Variants in CCSER2 observed in about 807,000 individuals in gnomAD.
CCSER2 encodes serine-rich coiled-coil domain-containing protein 2.
Under a neutral mutation model 92.3 loss-of-function variants are expected in CCSER2, and 46 were observed. That is an observed-to-expected ratio of 0.50 (90% confidence interval 0.39 to 0.64). The LOEUF (loss-of-function observed/expected upper bound fraction) is 0.64. Ranked by LOEUF, CCSER2 falls within the 30% of genes least tolerant of loss-of-function variation. CCSER2 has a pLI of 0.00. For synonymous variants in CCSER2, 433 were observed against 431.4 expected (o/e 1.00, Z -0.04); for missense variants, 1,244 against 1,238.9 (o/e 1.00, Z -0.06).
chr10:84,353,650 C>T (rs2133080282), intron 1 of CCSER2, among the ~76,000 whole-genome samples: 1 of 152,248 alleles, frequency 6.6e-6, no homozygotes, highest in South Asian at 2.1e-4. Context: ...ATTAGCATGG[C>T]TACCACAGGC....
intron 3 of CCSER2, among the ~76,000 whole-genome samples, chr10:84,400,427 T>C (rs1376089623): frequency 1.3e-5 from 2 of 152,292 alleles, no homozygotes; most frequent in African/African-American, 4.8e-5. Flanking sequence ...TGCCTTGGCC[T>C]CCCGAAGTGC....
chr10:84,498,792 CAT>C (rs1463313132), intron 9 of CCSER2, among the ~76,000 whole-genome samples: 8 of 152,068 alleles, frequency 5.3e-5, no homozygotes, highest in Non-Finnish European at 1.2e-4. Flanking sequence ...TTTTTTTGTG[CAT>C]ATGTTTCAGT....
intron 1 of CCSER2, among the ~76,000 whole-genome samples, chr10:84,348,271 C>T (rs1161082201): frequency 1.3e-5 from 2 of 152,222 alleles, no homozygotes; most frequent in East Asian, 1.9e-4. Context: ...GCCAACACAG[C>T]GAAACCCCGT....
intron 4 of CCSER2, among the ~76,000 whole-genome samples, chr10:84,419,022 T>G (rs1481083837): frequency 3.3e-5 from 5 of 152,172 alleles, no homozygotes; most frequent in African/African-American, 1.2e-4. Flanking sequence ...GCACATTTTT[T>G]TTTTAGAATA....
chr10:84,361,969 T>C (rs1845526488), intron 1 of CCSER2, among the ~76,000 whole-genome samples: 1 of 152,222 alleles, frequency 6.6e-6, no homozygotes, highest in Non-Finnish European at 1.5e-5. Context: ...AAACTATAAT[T>C]CTAACGTATG....
chr10:84,420,777 C>T (rs1843103289), intron 4 of CCSER2, among the ~76,000 whole-genome samples: 1 of 151,722 alleles, frequency 6.6e-6, no homozygotes, highest in South Asian at 2.1e-4. Context: ...ACTAAAAACA[C>T]AAAAAATTAG....
chr10:84,375,836 T>C (rs1399518049), intron 3 of CCSER2, among the ~76,000 whole-genome samples: 1 of 151,512 alleles, frequency 6.6e-6, no homozygotes, highest in Admixed American at 6.6e-5. Flanking sequence ...ATTTAAATTG[T>C]CTTGCTTTTT....
intron 1 of CCSER2, among the ~76,000 whole-genome samples, chr10:84,337,494 G>A (rs1843904424): frequency 6.6e-6 from 1 of 152,216 alleles, no homozygotes; most frequent in Admixed American, 6.5e-5. Flanking sequence ...GTGAAGACTT[G>A]ATTGGAGTGG....
At chr10:84,357,596 C>T (rs902638609) in intron 1 of CCSER2, among the ~76,000 whole-genome samples, 3 of 152,030 alleles carry the variant, frequency 2.0e-5, no homozygotes, top group African/African-American at 7.2e-5. Context: ...ACTACAGGTG[C>T]CTGCCACCTC....
intron 3 of CCSER2, among the ~76,000 whole-genome samples, chr10:84,382,431 A>G (rs1330600245): frequency 6.6e-6 from 1 of 152,198 alleles, no homozygotes; most frequent in Non-Finnish European, 1.5e-5. Context: ...TAAACTTTTA[A>G]CTGATATTTA....
At chr10:84,338,973 G>C (rs1844011025) in intron 1 of CCSER2, among the ~76,000 whole-genome samples, 1 of 152,032 alleles carries the variant, frequency 6.6e-6, no homozygotes, top group Non-Finnish European at 1.5e-5. Flanking sequence ...TCTTTCTCCA[G>C]ATTTTCTTCC....
At chr10:84,418,551 A>G (rs1455481358) in intron 4 of CCSER2, among the ~76,000 whole-genome samples, 1 of 152,188 alleles carries the variant, frequency 6.6e-6, no homozygotes, top group African/African-American at 2.4e-5. Context: ...ATTTCCTGTC[A>G]ATCAACATTT....
chr10:84,412,427 C>CT (rs1163784242), intron 3 of CCSER2, among the ~76,000 whole-genome samples: 47 of 145,288 alleles, frequency 3.2e-4, no homozygotes, highest in Non-Finnish European at 4.6e-4. Flanking sequence ...TAGTCATGGG[C>CT]TTTTTTTTTT....
At chr10:84,450,534 G>A (rs1845215890) in intron 6 of CCSER2, among the ~76,000 whole-genome samples, 1 of 152,056 alleles carries the variant, frequency 6.6e-6, no homozygotes, top group Non-Finnish European at 1.5e-5. Context: ...AGAAAACTCT[G>A]TTCTAGTAGA....
rs1564667385 is a variant in CCSER2 at position 84,441,734 on chromosome 10, A to ATTTTT, written c.2064+3028_2064+3029insTTTTT. Among the ~76,000 whole-genome samples the ATTTTT allele has an allele frequency of 7.3e-4, 78 of 106,446 alleles. 11 individuals carry two copies. Among genetic ancestry groups the ATTTTT allele is most frequent in the South Asian group, 2.4e-3 (7 of 2,964 alleles). The allele number at this position is 106,446 out of a possible 152,430, so 69.8% of individuals were successfully genotyped here. ...GGGAATAAAGTAGAAGACTGGGAAA[A>ATTTTT]TGTTTTTTTTTTTTTTTTTTTTTTT... On this transcript the variant is annotated intron_variant, in intron 6 of 9. Coordinates refer to ENST00000372088, the MANE Select transcript of CCSER2 (RefSeq NM_001284240.2).
intron 3 of CCSER2, among the ~76,000 whole-genome samples, chr10:84,380,868 TG>T (rs1840865631): frequency 6.6e-6 from 1 of 152,244 alleles, no homozygotes; most frequent in East Asian, 1.9e-4. Context: ...CTAATTTTTT[TG>T]TATTTTTAGT....
intron 4 of CCSER2, among the ~76,000 whole-genome samples, chr10:84,423,234 A>T (rs1400949508): frequency 1.3e-5 from 2 of 152,198 alleles, no homozygotes; most frequent in Non-Finnish European, 2.9e-5. Context: ...AAAATATATA[A>T]ACACGTGATT....
intron 6 of CCSER2, among the ~76,000 whole-genome samples, chr10:84,445,458 C>CAAAAA: frequency 6.6e-6 from 1 of 152,156 alleles, no homozygotes; most frequent in Non-Finnish European, 1.5e-5. Flanking sequence ...TGGCCGGTAT[C>CAAAAA]TCTTTAAGTC....
intron 3 of CCSER2, among the ~76,000 whole-genome samples, chr10:84,385,916 G>A (rs530308239): frequency 6.6e-6 from 1 of 151,406 alleles, no homozygotes; most frequent in South Asian, 2.1e-4. Context: ...TAAAAAAATG[G>A]GCAAAGGATA....
Sources: allele counts gnomAD v4.1 joint callset (sites outside exome capture counted in the v4.1 genomes callset), GRCh38; gene constraint gnomAD v4.1.1; transcripts MANE v1.5; gene names NCBI Gene and HGNC (gene_info 2026-07-23, HGNC 2026-07-21).